ARL6IP1: variants seen among roughly 807,000 people sequenced by gnomAD.
ARL6IP1 encodes the protein ADP-ribosylation factor-like protein 6-interacting protein 1.
A neutral mutation model predicts 30.1 loss-of-function variants in ARL6IP1; 16 were observed. The ratio of observed to expected loss-of-function variants is 0.53; its 90% CI spans 0.36 to 0.81. The LOEUF (loss-of-function observed/expected upper bound fraction) is 0.81, where lower values mean the gene tolerates loss of function less well. Ranked by LOEUF, ARL6IP1 falls within the 30% of genes least tolerant of loss-of-function variation. The pLI is 0.01. For missense variants in ARL6IP1, 173 were observed against 242.7 expected, an observed-to-expected ratio of 0.71 and a Z score of 1.91; for synonymous variants, 72 against 84.8, an observed-to-expected ratio of 0.85 and a Z score of 0.83.
Position 18,793,310 on chromosome 16 carries a change from C to G in ARL6IP1, c.554G>C (p.Gly185Ala). 1.2e-6 allele frequency: 2 copies of G among 1,613,298 alleles called. No homozygotes were observed. Among genetic ancestry groups the G allele is most frequent in the East Asian group, 4.5e-5 (2 of 44,864 alleles). Residue 185 changes from glycine (G) to alanine (A), a missense_variant, in exon 6 of 6, where the codon GGA becomes GCA. Physicochemically the swap from Gly to Ala is moderately conservative, Grantham distance 60. Coordinates refer to ENST00000304414, the MANE Select transcript of ARL6IP1 (RefSeq NM_015161.3). ...NQHGIILKYI[G>A]MAKREINKLL... ...TTTGTTTATCTCCCTCTTGGCCATT[C>G]CAATGTACTTCAAAATGATTCCATG...
At chr16:18,800,815 T>C (rs1345596510) in intron 1 of ARL6IP1, among the ~76,000 whole-genome samples, 3 of 152,204 alleles carry the variant, frequency 2.0e-5, no homozygotes, top group Non-Finnish European at 4.4e-5. Context: ...CTTATTACTC[T>C]AAAGCTGTTT....
intron 3 of ARL6IP1, 101 bp from the exon 4 acceptor site, chr16:18,795,682 A>T: frequency 1.3e-6 from 1 of 779,130 alleles, no homozygotes; most frequent in Non-Finnish European, 2.1e-6. Flanking sequence ...GAAAATAAAA[A>T]TAAAAACAAT....
rs770941505 is a variant in ARL6IP1 at position 18,801,478 on chromosome 16, T to A, written c.-12A>T. The A allele has an allele frequency of 1.9e-6, 3 of 1,612,224 alleles. No homozygotes were observed. The South Asian group carries it at 3.3e-5, about 18-fold the overall frequency. On this transcript the variant is annotated 5_prime_UTR_variant, in exon 1 of 6. Coordinates refer to ENST00000304414, the MANE Select transcript of ARL6IP1 (RefSeq NM_015161.3). Reference sequence around the variant, plus strand: ...TCTCCCTCCGCCATCGTCTCGGGGATGCAGTCTCTACAAGCGCAGGCCACC... The same window carrying A: ...TCTCCCTCCGCCATCGTCTCGGGGAAGCAGTCTCTACAAGCGCAGGCCACC...
chr16:18,798,968 G>C, intron 1 of ARL6IP1, 134 bp from the exon 2 acceptor site: 2 of 1,003,050 alleles, frequency 2.0e-6, no homozygotes, highest in Non-Finnish European at 2.8e-6. Context: ...AAACTAGTTG[G>C]TTTCTGAAAA....
intron 1 of ARL6IP1, among the ~76,000 whole-genome samples, chr16:18,799,432 A>T (rs1339840802): frequency 6.6e-6 from 1 of 152,270 alleles, no homozygotes; most frequent in East Asian, 1.9e-4. Context: ...ATTTACAATT[A>T]AAGAAAGTGA....
In ARL6IP1 at chr16:18,798,486, G is replaced by A. The variant is rs992676113; in HGVS notation, c.170+215C>T. On this transcript the variant is annotated intron_variant, in intron 2 of 5. Transcript: ENST00000304414. ...AGTGTCTGGAGGACAAAAAGTTTGC[G>A]AGTCACTGATTTACTCAAGTGCTTT... 1.9e-5 allele frequency: 9 copies of A among 476,496 alleles called. No homozygotes were observed. In the South Asian group the frequency reaches 2.1e-4, roughly 11 times the overall value. 29.5% of individuals were successfully genotyped at this position (476,496 alleles called of 1,614,324 possible).
intron 5 of ARL6IP1, 21 bp from the exon 6 acceptor site, chr16:18,793,391 A>C: frequency 1.4e-6 from 2 of 1,397,938 alleles, no homozygotes; most frequent in Non-Finnish European, 2.0e-6. Context: ...AAAAAAACCC[A>C]ACATTAAGGA....
Position 18,794,659 on chromosome 16 carries a change from G to T in ARL6IP1, c.433C>A (p.Leu145Ile), listed in dbSNP as rs781061128. Residue 145 changes from leucine to isoleucine, a missense_variant, in exon 5 of 6, where the codon CTT becomes ATT. Coordinates refer to ENST00000304414, the MANE Select transcript of ARL6IP1 (RefSeq NM_015161.3). Reference protein sequence around the residue: ...KMYFMTMIVSLAAVAWVGQQV... With the variant: ...KMYFMTMIVSIAAVAWVGQQV... Reference sequence around the variant, plus strand: ...TGTCCCACCCAAGCAACCGCAGCAAGGGAAACGATCATGGTCATGAAGTAC... The same window carrying T: ...TGTCCCACCCAAGCAACCGCAGCAATGGAAACGATCATGGTCATGAAGTAC... The T allele has an allele frequency of 3.1e-6, 5 of 1,613,186 alleles. No individual in the cohort carries two copies. The South Asian group carries it at 5.5e-5, about 18-fold the overall frequency.
intron 2 of ARL6IP1, 66 bp downstream of exon 2, chr16:18,798,635 A>G: frequency 6.5e-7 from 1 of 1,537,338 alleles, no homozygotes; most frequent in Non-Finnish European, 8.8e-7. Flanking sequence ...CACAAACAGA[A>G]GCTATATATT....
intron 1 of ARL6IP1, among the ~76,000 whole-genome samples, chr16:18,799,945 G>A (rs2030357462): frequency 1.3e-5 from 2 of 152,140 alleles, no homozygotes. Context: ...AGTGGATCAC[G>A]CCTGTAAACC....
chr16:18,801,211 A>C (rs2030398944), intron 1 of ARL6IP1: 73 of 1,412,816 alleles, frequency 5.2e-5, no homozygotes, highest in Admixed American at 1.5e-4. Flanking sequence ...GCGGTGATGA[A>C]TCACGCGCCC....
chr16:18,798,656 T>C, intron 2 of ARL6IP1, 45 bp downstream of exon 2: 1 of 1,586,196 alleles, frequency 6.3e-7, no homozygotes, highest in East Asian at 2.2e-5. Context: ...AAAAAGTCTT[T>C]ATTAATAAGA....
intron 1 of ARL6IP1, among the ~76,000 whole-genome samples, 175 bp from the exon 2 acceptor site, chr16:18,799,009 G>GT (rs1214488492): frequency 1.3e-5 from 2 of 151,778 alleles, no homozygotes; most frequent in South Asian, 2.1e-4. Context: ...AATACAATGG[G>GT]TTTTTTTGTT....
At chr16:18,795,426 A>G (rs770527031) in intron 4 of ARL6IP1, 38 bp downstream of exon 4, 1 of 1,457,580 alleles carries the variant, frequency 6.9e-7, no homozygotes, top group Non-Finnish European at 9.4e-7. Flanking sequence ...CTCAAATCTT[A>G]AAATTTTACT....
intron 1 of ARL6IP1, 114 bp from the exon 2 acceptor site, chr16:18,798,948 T>G: frequency 8.3e-7 from 1 of 1,200,610 alleles, no homozygotes; most frequent in Non-Finnish European, 1.1e-6. Context: ...TTAACCAAAT[T>G]GCCAATTTTA....
chr16:18,794,496 T>C (rs1452324317), intron 5 of ARL6IP1, 103 bp downstream of exon 5: 1 of 756,462 alleles, frequency 1.3e-6, no homozygotes, highest in African/African-American at 1.8e-5. Flanking sequence ...CACAGTTCCT[T>C]TTCGGTGTCT....
intron 3 of ARL6IP1, among the ~76,000 whole-genome samples, chr16:18,796,752 C>T (rs2030243563): frequency 6.6e-6 from 1 of 152,216 alleles, no homozygotes; most frequent in Admixed American, 6.5e-5. Context: ...TTGGGGGAAA[C>T]ACCTTTAAAT....
At chr16:18,801,380 G>A (rs768596142) in intron 1 of ARL6IP1, 51 bp downstream of exon 1, 3 of 1,606,372 alleles carry the variant, frequency 1.9e-6, no homozygotes, top group African/African-American at 1.3e-5. Flanking sequence ...TGAGCCCACG[G>A]ACGTCTGGAG....
At chr16:18,794,410 C>T (rs1033367031) in intron 5 of ARL6IP1, among the ~76,000 whole-genome samples, 189 bp downstream of exon 5, 7 of 152,242 alleles carry the variant, frequency 4.6e-5, no homozygotes, top group African/African-American at 1.7e-4. Flanking sequence ...ATTTTTACCT[C>T]TTGCACATTA....
Sources: allele counts gnomAD v4.1 joint callset (sites outside exome capture counted in the v4.1 genomes callset), GRCh38; gene constraint gnomAD v4.1.1; transcripts MANE v1.5; gene names NCBI Gene and HGNC (gene_info 2026-07-23, HGNC 2026-07-21).